GRAMD4: variants seen among roughly 807,000 people sequenced by gnomAD.
The protein encoded by GRAMD4 is GRAM domain-containing protein 4.
In GRAMD4, 25 loss-of-function variants were observed where a neutral mutation model predicts 83.9. The observed-to-expected ratio is 0.30, with a 90% CI of 0.22 to 0.42. The LOEUF is 0.42. Among genes scored for constraint, GRAMD4 ranks in the 10% least tolerant of loss-of-function variants. The pLI is 1.00. For missense variants in GRAMD4, 593 were observed against 788.7 expected, an observed-to-expected ratio of 0.75 and a Z score of 2.97; for synonymous variants, 336 against 320.9, an observed-to-expected ratio of 1.05 and a Z score of -0.50.
At position 46,661,361 on chromosome 22, in the gene GRAMD4, T is replaced by C. The variant is rs1458289791; in HGVS notation, c.405-20T>C. On this transcript the variant is annotated intron_variant, in intron 4 of 18. Transcript: ENST00000406902. ...TTGGAACTAACAGACCTCTTGTCTC[T>C]TCTCTCCCTGCTTTTTAAGAACCGA... 1 of 1,609,108 alleles carries C rather than the reference T, an allele frequency of 6.2e-7. No homozygotes were observed. Among genetic ancestry groups the C allele is most frequent in the Non-Finnish European group, 8.5e-7 (1 of 1,176,492 alleles).
intron 1 of GRAMD4, among the ~76,000 whole-genome samples, chr22:46,598,964 C>T (rs1420794297): frequency 6.6e-6 from 1 of 152,106 alleles, no homozygotes; most frequent in African/African-American, 2.4e-5. Flanking sequence ...GGTGGTGGGA[C>T]TGTGAGCTCC....
At chr22:46,581,296 CTGAG>C (rs1206106407) in intron 1 of GRAMD4, among the ~76,000 whole-genome samples, 2 of 152,256 alleles carry the variant, frequency 1.3e-5, no homozygotes, top group Non-Finnish European at 2.9e-5. Flanking sequence ...CAGGCCTGCG[CTGAG>C]TGTTTCACAC....
intron 3 of GRAMD4, among the ~76,000 whole-genome samples, chr22:46,644,051 C>T (rs546418854): frequency 6.6e-6 from 1 of 152,266 alleles, no homozygotes; most frequent in African/African-American, 2.4e-5. Context: ...TAAACATGAG[C>T]ATCTATATTG....
At chr22:46,627,526 C>G (rs1362619428) in intron 2 of GRAMD4, among the ~76,000 whole-genome samples, 1 of 152,346 alleles carries the variant, frequency 6.6e-6, no homozygotes, top group African/African-American at 2.4e-5. Context: ...CAGGCAGGAG[C>G]AGGCCCTGCC....
intron 1 of GRAMD4, among the ~76,000 whole-genome samples, chr22:46,612,778 A>G (rs2081430531): frequency 6.6e-6 from 1 of 152,276 alleles, no homozygotes; most frequent in Admixed American, 6.5e-5. Context: ...GTTTGTCTAC[A>G]GCTGGGGCAA....
intron 1 of GRAMD4, chr22:46,587,783 C>G (rs548768275): frequency 2.4e-6 from 1 of 423,508 alleles, no homozygotes; most frequent in Non-Finnish European, 3.2e-6. Context: ...CGTTGCTGGC[C>G]CCTGGAGCCT....
At chr22:46,681,839 C>T (rs892801196), downstream of GRAMD4, among the ~76,000 whole-genome samples, 5 of 152,126 alleles carry the variant, frequency 3.3e-5, no homozygotes, top group East Asian at 1.9e-4. Flanking sequence ...AAGTGAGTGA[C>T]GCTGGGAACC....
intron 1 of GRAMD4, among the ~76,000 whole-genome samples, chr22:46,599,399 A>G (rs1370436156): frequency 2.0e-5 from 3 of 151,826 alleles, no homozygotes; most frequent in Non-Finnish European, 4.4e-5. Context: ...GCTCACTGCA[A>G]CCTCTACCTC....
chr22:46,677,000 C>T (rs894576478), intron 18 of GRAMD4, 147 bp from the exon 19 acceptor site: 9 of 878,380 alleles, frequency 1.0e-5, no homozygotes, highest in South Asian at 1.6e-5. Context: ...AGCCTGGCTC[C>T]GGGTGGTGGG....
intron 5 of GRAMD4, among the ~76,000 whole-genome samples, chr22:46,661,732 C>T (rs144603606): frequency 7.0e-4 from 106 of 152,396 alleles, no homozygotes; most frequent in Non-Finnish European, 2.2e-4. Flanking sequence ...GGAATACACA[C>T]GTACTCTGTT....
chr22:46,607,640 C>T (rs530595024), intron 1 of GRAMD4, among the ~76,000 whole-genome samples: 2 of 152,332 alleles, frequency 1.3e-5, no homozygotes, highest in African/African-American at 2.4e-5. Context: ...CGCACCAGTC[C>T]CAGCCACCGC....
At chr22:46,671,112 A>G in intron 13 of GRAMD4, 1 of 469,492 alleles carries the variant, frequency 2.1e-6, no homozygotes, top group Non-Finnish European at 4.4e-6. Context: ...GGATGGCCCC[A>G]GCTGGGACTT....
intron 1 of GRAMD4, among the ~76,000 whole-genome samples, chr22:46,603,556 A>C (rs558078968): frequency 3.2e-5 from 3 of 93,828 alleles, no homozygotes; most frequent in East Asian, 6.3e-4. Context: ...TCACTCTGTC[A>C]CCCAGGCTGG....
chr22:46,614,099 G>A (rs1284469445), intron 1 of GRAMD4, among the ~76,000 whole-genome samples: 1 of 152,250 alleles, frequency 6.6e-6, no homozygotes, highest in Non-Finnish European at 1.5e-5. Flanking sequence ...TTAACTTGCA[G>A]TTAGATCAAT....
chr22:46,643,695 T>C (rs2082023994), intron 3 of GRAMD4, among the ~76,000 whole-genome samples: 1 of 152,192 alleles, frequency 6.6e-6, no homozygotes. Context: ...CACAGGTCAG[T>C]TATTTTGCAG....
intron 5 of GRAMD4, among the ~76,000 whole-genome samples, chr22:46,662,507 C>T (rs185397362): frequency 6.6e-6 from 1 of 152,250 alleles, no homozygotes; most frequent in Non-Finnish European, 1.5e-5. Flanking sequence ...GTCATCAGCA[C>T]GACAACACCG....
intron 1 of GRAMD4, among the ~76,000 whole-genome samples, chr22:46,594,005 G>T (rs1218511054): frequency 1.3e-5 from 2 of 151,740 alleles, no homozygotes; most frequent in South Asian, 4.1e-4. Context: ...GATTATAGGC[G>T]TGAGCCACCT....
intron 1 of GRAMD4, among the ~76,000 whole-genome samples, chr22:46,580,938 G>C (rs567983986): frequency 3.1e-4 from 44 of 142,014 alleles, no homozygotes; most frequent in African/African-American, 1.1e-3. Context: ...TTGCACTCCA[G>C]CCTGGGCAAC....
At chr22:46,593,244 A>G (rs1161107546) in intron 1 of GRAMD4, among the ~76,000 whole-genome samples, 1 of 152,144 alleles carries the variant, frequency 6.6e-6, no homozygotes. Flanking sequence ...CTGATGAACC[A>G]TCACGGGATT....
Sources: gnomAD v4.1 joint callset for allele counts (sites outside exome capture counted in the v4.1 genomes callset) on GRCh38, gnomAD v4.1.1 for gene constraint, MANE v1.5 for transcripts, NCBI Gene and HGNC (gene_info 2026-07-23, HGNC 2026-07-21) for gene names.